Variants in PHACTR1 observed in about 807,000 individuals in gnomAD.
PHACTR1 encodes phosphatase and actin regulator 1, also known as RPEL repeat containing 1.
A neutral mutation model predicts 69.2 loss-of-function variants in PHACTR1; 16 were observed. That is an observed-to-expected ratio of 0.23 (90% CI 0.16 to 0.35). PHACTR1 has a LOEUF of 0.35. Among genes scored for constraint, PHACTR1 ranks in the 10% least tolerant of loss-of-function variants. PHACTR1 has a pLI of 1.00. For missense variants in PHACTR1, 510 were observed against 734.7 expected, an observed-to-expected ratio of 0.69 and a Z score of 3.54; for synonymous variants, 312 against 284.5, an observed-to-expected ratio of 1.10 and a Z score of -0.97.
Position 12,778,376 on chromosome 6 carries a change from C to T in PHACTR1, c.250+28586C>T, listed in dbSNP as rs115963993. On this transcript the variant is annotated intron_variant, in intron 4 of 14. Coordinates refer to ENST00000332995, the MANE Select transcript of PHACTR1 (RefSeq NM_030948.6). Reference sequence around the variant, plus strand: ...CTTAAAATGTGAATATGGTACTAGACTGCTGTGGCAACAGTGCTTTTGAGC... The same window carrying T: ...CTTAAAATGTGAATATGGTACTAGATTGCTGTGGCAACAGTGCTTTTGAGC... Among the ~76,000 whole-genome samples the T allele has an allele frequency of 3.9e-3, 593 of 152,346 alleles. 2 individuals are homozygous for T. The highest frequency in any genetic ancestry group is 0.014 in the African/African-American group (574 of 41,576).
chr6:12,952,934 CA>C (rs1180232061), intron 4 of PHACTR1, among the ~76,000 whole-genome samples: 1 of 152,086 alleles, frequency 6.6e-6, no homozygotes, highest in Non-Finnish European at 1.5e-5. Context: ...ACTAGAGAGC[CA>C]AAAATAGTGC....
At chr6:12,771,807 T>A (rs966832416) in intron 4 of PHACTR1, among the ~76,000 whole-genome samples, 1 of 152,086 alleles carries the variant, frequency 6.6e-6, no homozygotes, top group Non-Finnish European at 1.5e-5. Flanking sequence ...TTTAAAGGAC[T>A]GCAGAAAAAT....
chr6:12,930,126 C>T (rs1788709013), intron 4 of PHACTR1, among the ~76,000 whole-genome samples: 2 of 151,782 alleles, frequency 1.3e-5, no homozygotes, highest in African/African-American at 2.4e-5. Context: ...ACACTGCAGC[C>T]TTGACCTCCT....
At chr6:12,932,531 G>A (rs1236377618) in intron 4 of PHACTR1, among the ~76,000 whole-genome samples, 1 of 151,984 alleles carries the variant, frequency 6.6e-6, no homozygotes, top group African/African-American at 2.4e-5. Flanking sequence ...GAATAATCTT[G>A]TCAAGAAATC....
chr6:13,211,514 T>C (rs149603255), intron 8 of PHACTR1, among the ~76,000 whole-genome samples: 2 of 152,322 alleles, frequency 1.3e-5, no homozygotes, highest in East Asian at 3.9e-4. Flanking sequence ...TGTGGATCCA[T>C]GTGGACCCTG....
rs550552774 is a variant in PHACTR1 at position 12,828,365 on chromosome 6, A to G, written c.250+78575A>G. ...AGTATAAAAAACTGCACATGAAAACACAGAGATTAAAGTAAATTTTGATTG... is the reference window on the plus strand; with the variant it reads ...AGTATAAAAAACTGCACATGAAAACGCAGAGATTAAAGTAAATTTTGATTG... On this transcript the variant is annotated intron_variant, in intron 4 of 14. Coordinates refer to ENST00000332995, the MANE Select transcript of PHACTR1 (RefSeq NM_030948.6). Among the ~76,000 whole-genome samples, 14 of 152,276 alleles carry G rather than the reference A, an allele frequency of 9.2e-5. No homozygotes were observed. The South Asian group carries it at 2.9e-3, about 32-fold the overall frequency.
At chr6:12,742,740 AG>A (rs1396159851) in intron 3 of PHACTR1, among the ~76,000 whole-genome samples, 1 of 152,130 alleles carries the variant, frequency 6.6e-6, no homozygotes, top group Non-Finnish European at 1.5e-5. Context: ...CTGGTTGAAT[AG>A]GGGTGATGAT....
intron 4 of PHACTR1, among the ~76,000 whole-genome samples, chr6:12,967,375 G>A (rs1301899851): frequency 6.6e-6 from 1 of 152,192 alleles, no homozygotes; most frequent in East Asian, 1.9e-4. Flanking sequence ...GCTGAGGGTT[G>A]CAAGAAGAAA....
intron 5 of PHACTR1, among the ~76,000 whole-genome samples, chr6:13,078,163 G>C (rs1810827183): frequency 6.6e-6 from 1 of 151,998 alleles, no homozygotes; most frequent in Non-Finnish European, 1.5e-5. Flanking sequence ...TTTTTTTGGG[G>C]GGAGTGGGTG....
chr6:13,190,103 AACCTCC>A (rs1763331160), intron 7 of PHACTR1, among the ~76,000 whole-genome samples: 1 of 148,538 alleles, frequency 6.7e-6, no homozygotes, highest in Non-Finnish European at 1.5e-5. Context: ...GGCTCCCTGC[AACCTCC>A]ACCTCCTGGG....
chr6:13,185,002 A>G lies in PHACTR1; in HGVS notation c.664+2316A>G, dbSNP rs765407807. ...CACTACCAGGATTGCCAACCACTTA[A>G]CAGGTGAGTGCAGACGTCTTCTGGG... is the stretch of plus-strand genomic sequence containing the variant. On this transcript the variant is annotated intron_variant, in intron 7 of 14. Coordinates refer to ENST00000332995, the MANE Select transcript of PHACTR1 (RefSeq NM_030948.6). 2.2e-6 allele frequency: 3 copies of G among 1,365,486 alleles called. No individual in the cohort carries two copies. In the South Asian group the frequency reaches 3.4e-5, roughly 16 times the overall value. 84.6% of individuals were successfully genotyped at this position (1,365,486 alleles called of 1,614,324 possible). A position where few individuals can be genotyped will look rare whatever the true frequency, so the allele number is the denominator to read the frequency against.
At chr6:12,751,956 TG>T (rs1224262484) in intron 4 of PHACTR1, among the ~76,000 whole-genome samples, 1 of 152,074 alleles carries the variant, frequency 6.6e-6, no homozygotes, top group African/African-American at 2.4e-5. Flanking sequence ...AGTGGAGGGA[TG>T]GGTACTCTTT....
At chr6:12,824,566 T>G (rs1286811827) in intron 4 of PHACTR1, among the ~76,000 whole-genome samples, 9 of 152,202 alleles carry the variant, frequency 5.9e-5, no homozygotes, top group African/African-American at 1.9e-4. Context: ...TTAGTTTACC[T>G]TTCTGAAAGA....
chr6:12,917,804 C>A (rs1235189657), intron 4 of PHACTR1, among the ~76,000 whole-genome samples: 1 of 151,932 alleles, frequency 6.6e-6, no homozygotes, highest in Non-Finnish European at 1.5e-5. Flanking sequence ...CAGCTCAAAC[C>A]GAGAGGTGAA....
Position 12,788,679 on chromosome 6 carries a change from G to A in PHACTR1, c.250+38889G>A, listed in dbSNP as rs1056696302. Among the ~76,000 whole-genome samples the A allele has an allele frequency of 2.0e-5, 3 of 152,316 alleles. No homozygotes were observed. The East Asian group carries it at 5.8e-4, about 29-fold the overall frequency. On this transcript the variant is annotated intron_variant, in intron 4 of 14. Transcript: ENST00000332995. ...GACAGAGAAAAGTGGCCAAGGCCTT[G>A]TCTGGGTGCCCATTGTGCCCAGAAT...
intron 4 of PHACTR1, among the ~76,000 whole-genome samples, chr6:12,845,512 G>A (rs942330520): frequency 2.8e-5 from 4 of 140,766 alleles, no homozygotes; most frequent in African/African-American, 8.0e-5. Context: ...TCCATAGCAC[G>A]GCAGGTATTT....
intron 4 of PHACTR1, among the ~76,000 whole-genome samples, chr6:12,827,674 A>G (rs1218281649): frequency 6.6e-6 from 1 of 152,222 alleles, no homozygotes; most frequent in Non-Finnish European, 1.5e-5. Context: ...TATGACAGAT[A>G]TTCTTGGAGC....
chr6:13,085,882 G>A (rs977527763), intron 5 of PHACTR1, among the ~76,000 whole-genome samples: 2 of 151,812 alleles, frequency 1.3e-5, no homozygotes, highest in Non-Finnish European at 2.9e-5. Context: ...ATAGCATAAA[G>A]CAGTATGTAG....
chr6:12,792,451 C>A (rs1772419738), intron 4 of PHACTR1, among the ~76,000 whole-genome samples: 1 of 33,512 alleles, frequency 3.0e-5, no homozygotes, highest in African/African-American at 8.7e-5. Context: ...GCAACAAGAG[C>A]AAAACTCCAT....
Sources: allele counts gnomAD v4.1 joint callset (sites outside exome capture counted in the v4.1 genomes callset), GRCh38; gene constraint gnomAD v4.1.1; transcripts MANE v1.5; gene names NCBI Gene and HGNC (gene_info 2026-07-23, HGNC 2026-07-21).